The following RBP2 variants were observed in gnomAD, a reference collection of about 807,000 sequenced individuals.
RBP2 encodes the protein retinol-binding protein 2.
Under a neutral mutation model 17.0 loss-of-function variants are expected in RBP2, and 17 were observed. That is an observed-to-expected ratio of 1.00 (90% confidence interval 0.68 to 1.50). The LOEUF is 1.50. Ranked by LOEUF, RBP2 falls within the 40% of genes most tolerant of loss-of-function variation. The probability of loss-of-function intolerance (pLI) is 0.00; values close to 1 mark genes in which losing one functional copy is unlikely to be tolerated. For missense variants in RBP2, 158 were observed against 168.2 expected, an observed-to-expected ratio of 0.94 and a Z score of 0.33; for synonymous variants, 48 against 57.1, an observed-to-expected ratio of 0.84 and a Z score of 0.72.
At chr3:139,476,279 T>G in intron 1 of RBP2, 108 bp downstream of exon 1, 1 of 827,314 alleles carries the variant, frequency 1.2e-6, no homozygotes, top group Non-Finnish European at 2.0e-6. Context: ...ACATGAGGCA[T>G]GAGGATTTGC....
intron 1 of RBP2, among the ~76,000 whole-genome samples, chr3:139,469,943 T>G (rs1243144347): frequency 1.3e-5 from 2 of 152,198 alleles, no homozygotes; most frequent in East Asian, 3.8e-4. Context: ...GCTCCTGTCT[T>G]AGGCTCCATC....
At chr3:139,466,819 G>A (rs1366062857) in intron 1 of RBP2, 5 of 152,162 alleles carry the variant, frequency 3.3e-5, no homozygotes, top group African/African-American at 9.7e-5. Flanking sequence ...TTAGTTCTTT[G>A]TGTTTTCCCA....
intron 1 of RBP2, among the ~76,000 whole-genome samples, chr3:139,473,923 C>T (rs1016188977): frequency 6.6e-6 from 1 of 152,192 alleles, no homozygotes; most frequent in Non-Finnish European, 1.5e-5. Flanking sequence ...CTGTCAGCAT[C>T]TGGGTAAACC....
intron 1 of RBP2, among the ~76,000 whole-genome samples, chr3:139,474,864 A>G (rs547710866): frequency 3.9e-5 from 6 of 152,258 alleles, no homozygotes; most frequent in East Asian, 1.9e-4. Context: ...TCCCATTTCT[A>G]TTGGCCACTC....
Position 139,476,448 on chromosome 3 carries a change from G to T in RBP2, c.12C>A (p.Asp4Glu), listed in dbSNP as rs757934404. The change falls in exon 1 of 4, where the codon GAC (aspartate) becomes GAA (glutamate). Residue 4 changes from aspartate to glutamate, a missense_variant. Coordinates refer to ENST00000232217, the MANE Select transcript of RBP2 (RefSeq NM_004164.3). ...TCTCCATCTCCCAGGTTCCATTCTGGTCCCTTGTCATGGTGGTGGCCACTG... is the reference window on the plus strand; with the variant it reads ...TCTCCATCTCCCAGGTTCCATTCTGTTCCCTTGTCATGGTGGTGGCCACTG... MTR[D>E]QNGTWEMESN... is the part of the protein sequence containing the mutation. The T allele has an allele frequency of 6.2e-7, 1 of 1,613,850 alleles. No individual in the cohort carries two copies. The highest frequency in any genetic ancestry group is 8.5e-7 in the Non-Finnish European group (1 of 1,179,952).
chr3:139,467,628 G>A (rs1467640915), intron 1 of RBP2, among the ~76,000 whole-genome samples: 1 of 152,118 alleles, frequency 6.6e-6, no homozygotes, highest in Non-Finnish European at 1.5e-5. Flanking sequence ...TAAAAATAAT[G>A]GTAAAATGCT....
intron 1 of RBP2, among the ~76,000 whole-genome samples, chr3:139,467,226 C>T (rs1933396431): frequency 6.6e-6 from 1 of 152,198 alleles, no homozygotes; most frequent in Non-Finnish European, 1.5e-5. Context: ...GGTTCCTGGG[C>T]TGGCAGCAGC....
At chr3:139,459,115 G>T (rs1933091450) in intron 2 of RBP2, among the ~76,000 whole-genome samples, 1 of 152,112 alleles carries the variant, frequency 6.6e-6, no homozygotes, top group African/African-American at 2.4e-5. Flanking sequence ...CAGAGGGCTT[G>T]TAAGGGTGAC....
chr3:139,459,897 G>A (rs532245663), intron 2 of RBP2, among the ~76,000 whole-genome samples: 5 of 152,212 alleles, frequency 3.3e-5, no homozygotes, highest in African/African-American at 9.6e-5. Context: ...GAGGAGGCAA[G>A]CTGTGGGAAA....
chr3:139,456,637 G>C (rs1424263099), intron 2 of RBP2, among the ~76,000 whole-genome samples: 1 of 152,200 alleles, frequency 6.6e-6, no homozygotes, highest in Non-Finnish European at 1.5e-5. Flanking sequence ...CATGTTTCCT[G>C]CAAGGAAGTA....
rs896699354 is a variant in RBP2 at position 139,455,485 on chromosome 3, G to A, written c.253-655C>T. 3.3e-5 allele frequency among the ~76,000 whole-genome samples: 5 copies of A among 152,210 alleles called. No homozygotes were observed. In the East Asian group the frequency reaches 5.8e-4, roughly 18 times the overall value. On this transcript the variant is annotated intron_variant, in intron 2 of 3. Transcript: ENST00000232217. ...TACACTGAATTGGAGGGAGAGTAGAGAAGCAGGCACTCTCTCTTATACAGG... is the reference window on the plus strand; with the variant it reads ...TACACTGAATTGGAGGGAGAGTAGAAAAGCAGGCACTCTCTCTTATACAGG...
intron 2 of RBP2, among the ~76,000 whole-genome samples, chr3:139,456,118 G>A (rs1657425085): frequency 6.6e-6 from 1 of 152,100 alleles, no homozygotes; most frequent in Non-Finnish European, 1.5e-5. Flanking sequence ...TTCTTCTTCG[G>A]GGATGACCCT....
chr3:139,453,317 G>T, intron 3 of RBP2, 151 bp from the exon 4 acceptor site: 1 of 757,548 alleles, frequency 1.3e-6, no homozygotes, highest in South Asian at 1.6e-5. Context: ...CCAATCAGCG[G>T]GCATGCCCTG....
chr3:139,458,068 G>C (rs1933038582), intron 2 of RBP2, among the ~76,000 whole-genome samples: 1 of 152,184 alleles, frequency 6.6e-6, no homozygotes, highest in Admixed American at 6.5e-5. Flanking sequence ...TTGTATGTTA[G>C]AGAGAAAGCA....
intron 2 of RBP2, among the ~76,000 whole-genome samples, chr3:139,456,809 G>GA (rs1033170803): frequency 1.3e-5 from 2 of 151,596 alleles, no homozygotes; most frequent in Admixed American, 6.6e-5. Flanking sequence ...GTTTTCTAAA[G>GA]AAAAAAAAGG....
chr3:139,475,216 A>G (rs2107886635), intron 1 of RBP2, among the ~76,000 whole-genome samples: 1 of 148,418 alleles, frequency 6.7e-6, no homozygotes, highest in African/African-American at 2.5e-5. Flanking sequence ...GCTACTCTGG[A>G]GGCTGAGGCA....
intron 2 of RBP2, among the ~76,000 whole-genome samples, chr3:139,455,444 T>G (rs1211857296): frequency 3.9e-5 from 6 of 152,076 alleles, no homozygotes; most frequent in Non-Finnish European, 8.8e-5. Context: ...TGGTCAAAGA[T>G]CAAAGAGTTT....
intron 2 of RBP2, among the ~76,000 whole-genome samples, chr3:139,461,901 T>G (rs1441103027): frequency 6.6e-6 from 1 of 152,228 alleles, no homozygotes; most frequent in Non-Finnish European, 1.5e-5. Flanking sequence ...CCCTGGATCA[T>G]GGAGAGGTTG....
At chr3:139,475,324 T>TAAAAAAA (rs397941333) in intron 1 of RBP2, among the ~76,000 whole-genome samples, 8 of 71,588 alleles carry the variant, frequency 1.1e-4, no homozygotes, top group African/African-American at 2.4e-4. Context: ...GTCCCCAAAA[T>TAAAAAAA]AAAAAAAAAA....
Sources: allele counts gnomAD v4.1 joint callset (sites outside exome capture counted in the v4.1 genomes callset), GRCh38; gene constraint gnomAD v4.1.1; transcripts MANE v1.5; gene names NCBI Gene and HGNC (gene_info 2026-07-23, HGNC 2026-07-21).